The following FEZ1 variants were observed in gnomAD, a reference collection of about 807,000 sequenced individuals.
FEZ1 encodes fasciculation and elongation protein zeta-1.
FEZ1 carries 20 observed loss-of-function variants against 49.3 expected under a neutral mutation model. That is an observed-to-expected ratio of 0.41 (90% CI 0.29 to 0.59). FEZ1 has a LOEUF of 0.59. FEZ1 is among the 20% of genes least tolerant of loss of function. The pLI is 0.36. For missense variants in FEZ1, 413 were observed against 476.0 expected (o/e 0.87, Z 1.23); for synonymous variants, 170 against 180.9 (o/e 0.94, Z 0.48).
At chr11:125,456,694 C>T (rs973114053) in intron 5 of FEZ1, among the ~76,000 whole-genome samples, 5 of 152,076 alleles carry the variant, frequency 3.3e-5, no homozygotes, top group South Asian at 2.1e-4. Context: ...GGTTAGCATA[C>T]GGCAGTCAGC....
At chr11:125,450,578 G>A (rs541648816) in intron 8 of FEZ1, among the ~76,000 whole-genome samples, 518 of 152,326 alleles carry the variant, frequency 3.4e-3, no homozygotes, top group Non-Finnish European at 5.7e-3. Flanking sequence ...AAGAGGCATT[G>A]TTCACAAATT....
intron 2 of FEZ1, among the ~76,000 whole-genome samples, chr11:125,487,200 G>C (rs1277496121): frequency 6.6e-6 from 1 of 152,158 alleles, no homozygotes; most frequent in Non-Finnish European, 1.5e-5. Context: ...GAGGGGTTTT[G>C]ATAGGGGGGA....
Position 125,489,935 on chromosome 11 carries a change from G to T in FEZ1, c.-45-113C>A. On this transcript the variant is annotated intron_variant, in intron 1 of 9. Transcript: ENST00000278919. The surrounding 1 kb of genome is among the most constrained non-coding windows in gnomAD (Gnocchi z 4.2). Reference sequence around the variant, plus strand: ...CCCTACTCCAAAAAACAAGGCACTGGTTAAGTACGAAGCTCCTGGACAAGA... The same window carrying T: ...CCCTACTCCAAAAAACAAGGCACTGTTTAAGTACGAAGCTCCTGGACAAGA... 1 of 946,986 alleles carries T rather than the reference G, an allele frequency of 1.1e-6. No individual in the cohort carries two copies. The highest frequency in any genetic ancestry group is 1.5e-6 in the Non-Finnish European group (1 of 680,916). 58.7% of individuals were successfully genotyped at this position (946,986 alleles called of 1,614,324 possible). A position where few individuals can be genotyped will look rare whatever the true frequency, so the allele number is the denominator to read the frequency against.
At chr11:125,491,152 C>G (rs933235182) in intron 1 of FEZ1, among the ~76,000 whole-genome samples, 1 of 152,178 alleles carries the variant, frequency 6.6e-6, no homozygotes, top group Non-Finnish European at 1.5e-5. Flanking sequence ...ACAGACCCAA[C>G]TACCCATGTG....
chr11:125,482,387 C>G (rs1433212372), intron 2 of FEZ1, among the ~76,000 whole-genome samples: 2 of 152,192 alleles, frequency 1.3e-5, no homozygotes, highest in Non-Finnish European at 2.9e-5. Flanking sequence ...ACACCTCTGT[C>G]TACACAATTT....
intron 2 of FEZ1, chr11:125,488,698 A>C: frequency 1.0e-6 from 1 of 984,636 alleles, no homozygotes; most frequent in Non-Finnish European, 1.2e-6. Flanking sequence ...ACAAAACAAA[A>C]CAAAACAAAA....
chr11:125,469,751 ATT>A (rs1284823863), intron 3 of FEZ1, among the ~76,000 whole-genome samples: 1 of 140,112 alleles, frequency 7.1e-6, no homozygotes, highest in Admixed American at 7.1e-5. Flanking sequence ...TTTTTTTTTA[ATT>A]TTTTGTAGAG....
intron 1 of FEZ1, among the ~76,000 whole-genome samples, chr11:125,493,441 GGAA>G (rs1957413710): frequency 2.9e-5 from 1 of 34,042 alleles, no homozygotes; most frequent in African/African-American, 2.6e-4. Flanking sequence ...AAGGAAAGAA[GGAA>G]AGAAGGAAAG....
intron 3 of FEZ1, among the ~76,000 whole-genome samples, chr11:125,475,580 C>T (rs1957223650): frequency 1.3e-5 from 2 of 151,820 alleles, no homozygotes; most frequent in South Asian, 4.2e-4. Flanking sequence ...CTGGGCCCTA[C>T]TGGAGGATGA....
rs1565306731 is a variant in FEZ1 at position 125,493,371 on chromosome 11, AAAGAAAGAAAG to A, written c.-46+2739_-46+2749del. Among the ~76,000 whole-genome samples the A allele has an allele frequency of 1.9e-3, 75 of 38,518 alleles. 2 individuals are homozygous for A. The highest frequency in any genetic ancestry group is 4.6e-3 in the African/African-American group (43 of 9,400). 25.3% of individuals were successfully genotyped at this position (38,518 alleles called of 152,430 possible). ...AAAGAAAGAAAGAGAGAAAAGAAAG[AAAGAAAGAAAG>A]AAAGAAAGAAAGAAAGAAAGAAAGA... On this transcript the variant is annotated intron_variant, in intron 1 of 9. Transcript: ENST00000278919.
intron 5 of FEZ1, among the ~76,000 whole-genome samples, chr11:125,457,463 C>CCT (rs1565533561): frequency 2.0e-5 from 1 of 51,236 alleles, no homozygotes; most frequent in East Asian, 5.5e-4. Flanking sequence ...TATATATACA[C>CCT]ATATATATGT....
intron 3 of FEZ1, among the ~76,000 whole-genome samples, chr11:125,481,224 T>C (rs1957276529): frequency 6.6e-6 from 1 of 152,116 alleles, no homozygotes; most frequent in Non-Finnish European, 1.5e-5. Flanking sequence ...ATAATTTTTT[T>C]TTTAATTGAA....
intron 7 of FEZ1, chr11:125,453,278 G>C (rs1297163456): frequency 6.6e-6 from 1 of 152,142 alleles, no homozygotes; most frequent in African/African-American, 2.4e-5. Flanking sequence ...TTTTAGTCTT[G>C]GCTTTGCCAC....
intron 2 of FEZ1, among the ~76,000 whole-genome samples, chr11:125,482,243 C>G (rs1457576917): frequency 2.6e-5 from 4 of 152,120 alleles, no homozygotes. Flanking sequence ...TACTTACTAC[C>G]CAAAATGTTC....
Position 125,489,884 on chromosome 11 carries a change from CTTT to C in FEZ1, c.-45-65_-45-63del. 7.4e-7 allele frequency: 1 copy of C among 1,359,146 alleles called. No individual in the cohort carries two copies. The allele number at this position is 1,359,146 out of a possible 1,614,324, so 84.2% of individuals were successfully genotyped here. A position where few individuals can be genotyped will look rare whatever the true frequency, so the allele number is the denominator to read the frequency against. On this transcript the variant is annotated intron_variant, in intron 1 of 9. Coordinates refer to ENST00000278919, the MANE Select transcript of FEZ1 (RefSeq NM_005103.5). This position sits in a 1 kb window ranked among gnomAD's most constrained non-coding sequence, Gnocchi z 4.2. ...AGGCTAATCTAAATAATAGAGTTAA[CTTT>C]AGAGACACACCTGCTTCCAATTCCC...
At chr11:125,458,958 C>T (rs774155282) in intron 5 of FEZ1, among the ~76,000 whole-genome samples, 9 of 151,868 alleles carry the variant, frequency 5.9e-5, no homozygotes, top group Non-Finnish European at 1.2e-4. Context: ...CCCAGCTACT[C>T]GGGAGGATGA....
intron 5 of FEZ1, 97 bp downstream of exon 5, chr11:125,460,401 G>A (rs1957062507): frequency 9.4e-7 from 1 of 1,066,584 alleles, no homozygotes; most frequent in Non-Finnish European, 1.4e-6. Flanking sequence ...CTCTGAGGCA[G>A]TCAGGGTTCT....
intron 6 of FEZ1, among the ~76,000 whole-genome samples, chr11:125,454,695 G>C (rs1956991112): frequency 6.6e-6 from 1 of 152,116 alleles, no homozygotes; most frequent in Non-Finnish European, 1.5e-5. Context: ...AAACTCCTTA[G>C]ATAATTCTAC....
At chr11:125,493,489 GGAAAGAAAGAAAGAAAGAGAGAAAGAAA>G (rs1957420206) in intron 1 of FEZ1, among the ~76,000 whole-genome samples, 1 of 49,710 alleles carries the variant, frequency 2.0e-5, no homozygotes, top group Non-Finnish European at 3.9e-5. Flanking sequence ...AAGGAAAGAA[GGAAAGAAAGAAAGAAAGAGAGAAAGAAA>G]GAAAGAAAGA....
Sources: gnomAD v4.1 joint callset for allele counts (sites outside exome capture counted in the v4.1 genomes callset) on GRCh38, gnomAD v4.1.1 for gene constraint, Gnocchi (gnomAD v3.1) non-coding constraint, MANE v1.5 for transcripts, NCBI Gene and HGNC (gene_info 2026-07-23, HGNC 2026-07-21) for gene names.